PIK3C2G: variants seen among roughly 807,000 people sequenced by gnomAD.
The protein encoded by PIK3C2G is phosphatidylinositol 3-kinase C2 domain-containing subunit gamma.
PIK3C2G carries 168 observed loss-of-function variants against 181.1 expected under a neutral mutation model. That is an observed-to-expected ratio of 0.93 (90% CI 0.82 to 1.05). PIK3C2G has a LOEUF of 1.05. Ranked by LOEUF, PIK3C2G falls within the 50% of genes least tolerant of loss-of-function variation. The probability of loss-of-function intolerance (pLI) is 0.00; values close to 1 mark genes in which losing one functional copy is unlikely to be tolerated. For synonymous variants in PIK3C2G, 573 were observed against 592.2 expected, an observed-to-expected ratio of 0.97 and a Z score of 0.47; for missense variants, 1,869 against 1,732.8, an observed-to-expected ratio of 1.08 and a Z score of -1.40.
chr12:18,291,749 T>C (rs1299782865), intron 4 of PIK3C2G, among the ~76,000 whole-genome samples: 3 of 151,982 alleles, frequency 2.0e-5, no homozygotes. Context: ...TATTAATTAT[T>C]GTTATTATTG....
At position 18,290,915 on chromosome 12, in the gene PIK3C2G, T is replaced by C. The variant is rs779741154; in HGVS notation, c.822T>C (p.Thr274=). The change falls in exon 4 of 33, where the codon ACT becomes ACC. Residue 274 remains threonine, a synonymous_variant. Transcript: ENST00000538779. ...TCAATTCTGGGAAGATCTGGAGCAC[T>C]ACTACAGCATTTCCGTATCAGCTCT... The part of the protein sequence containing the change: ...VNFNSGKIWS[T]TTAFPYQLFS... 122 of 1,592,104 alleles carry C rather than the reference T, an allele frequency of 7.7e-5. No homozygotes were observed. Among genetic ancestry groups the C allele is most frequent in the Non-Finnish European group, 9.6e-5 (111 of 1,160,204 alleles).
intron 24 of PIK3C2G, among the ~76,000 whole-genome samples, chr12:18,534,772 T>TATCTAA (rs1191663310): frequency 2.0e-5 from 3 of 148,904 alleles, no homozygotes; most frequent in African/African-American, 7.5e-5. Context: ...TTGGTCCTGA[T>TATCTAA]ATCTAAATCA....
chr12:18,248,016 C>G (rs1338414976), exon 1 of PIK3C2G: 1 of 151,936 alleles, frequency 6.6e-6, no homozygotes, highest in Non-Finnish European at 1.5e-5. Flanking sequence ...GATTGTAAAC[C>G]AAGGAAATGG....
intron 4 of PIK3C2G, among the ~76,000 whole-genome samples, chr12:18,292,229 T>C (rs376178269): frequency 3.8e-4 from 26 of 68,318 alleles, no homozygotes; most frequent in African/African-American, 1.6e-3. Flanking sequence ...AAAAAAAAAA[T>C]ATATATATAT....
Position 18,416,560 on chromosome 12 carries a change from C to T in PIK3C2G, c.2316-4381C>T, listed in dbSNP as rs115392879. ...TGCAGCTGGCGATTTTAAATTGAAG[C>T]CAATGCTCATTTACTATTTCAAAAA... On this transcript the variant is annotated intron_variant, in intron 16 of 32. Coordinates refer to ENST00000538779, the MANE Select transcript of PIK3C2G (RefSeq NM_001288772.2). Among the ~76,000 whole-genome samples the T allele has an allele frequency of 6.1e-3, 935 of 152,214 alleles. 8 individuals carry two copies. Among genetic ancestry groups the T allele is most frequent in the African/African-American group, 0.021 (889 of 41,540 alleles).
intron 31 of PIK3C2G, among the ~76,000 whole-genome samples, chr12:18,636,451 G>A (rs514973): frequency 0.37 from 55,902 of 151,866 alleles, 12,076 homozygotes; most frequent in Admixed American, 0.52. Flanking sequence ...GGCTGGTCTC[G>A]AACTCCCGAC....
chr12:18,431,320 T>C (rs1419345107), intron 18 of PIK3C2G, among the ~76,000 whole-genome samples: 2 of 152,136 alleles, frequency 1.3e-5, no homozygotes, highest in Non-Finnish European at 2.9e-5. Flanking sequence ...ATCCTTGCCT[T>C]AAAGAAGCTC....
chr12:18,284,089 A>C (rs1275093891), intron 2 of PIK3C2G, among the ~76,000 whole-genome samples: 2 of 152,070 alleles, frequency 1.3e-5, no homozygotes, highest in Admixed American at 1.3e-4. Flanking sequence ...GGTCAGAAGT[A>C]GAGAGAGGAC....
At chr12:18,263,619 C>T (rs1948347988) in intron 1 of PIK3C2G, among the ~76,000 whole-genome samples, 2 of 152,116 alleles carry the variant, frequency 1.3e-5, no homozygotes. Flanking sequence ...TGAATTGACT[C>T]TTTACCTTAT....
chr12:18,248,503 G>A (rs528672761), intron 1 of PIK3C2G, among the ~76,000 whole-genome samples: 124 of 152,130 alleles, frequency 8.2e-4, no homozygotes, highest in Non-Finnish European at 1.6e-3. Context: ...AACCCGGGGC[G>A]GAGCCTGCAG....
chr12:18,584,233 C>T (rs1946658834), intron 29 of PIK3C2G, among the ~76,000 whole-genome samples: 1 of 151,708 alleles, frequency 6.6e-6, no homozygotes, highest in South Asian at 2.1e-4. Flanking sequence ...CAGGGTTTCA[C>T]TGTGGTCTCG....
intron 18 of PIK3C2G, among the ~76,000 whole-genome samples, chr12:18,476,442 C>A (rs1939004338): frequency 6.6e-6 from 1 of 151,812 alleles, no homozygotes; most frequent in African/African-American, 2.4e-5. Context: ...CTATTTTATC[C>A]CGGGGAAGGC....
intron 14 of PIK3C2G, among the ~76,000 whole-genome samples, chr12:18,387,463 C>T (rs879784506): frequency 1.3e-5 from 2 of 152,192 alleles, no homozygotes; most frequent in Admixed American, 6.5e-5. Context: ...TTCTGACATG[C>T]ACTGTCTTGC....
At chr12:18,466,293 T>C (rs1363661520) in intron 18 of PIK3C2G, among the ~76,000 whole-genome samples, 1 of 147,922 alleles carries the variant, frequency 6.8e-6, no homozygotes, top group Non-Finnish European at 1.5e-5. Flanking sequence ...TAATTACAAC[T>C]GCTCAAGTTT....
chr12:18,351,602 CAGT>C (rs1940221385), intron 11 of PIK3C2G, among the ~76,000 whole-genome samples: 1 of 152,200 alleles, frequency 6.6e-6, no homozygotes, highest in African/African-American at 2.4e-5. Flanking sequence ...ACCTGCATTA[CAGT>C]TGTCCCTTGT....
chr12:18,587,783 C>A (rs1298342159), intron 29 of PIK3C2G, among the ~76,000 whole-genome samples: 1 of 151,330 alleles, frequency 6.6e-6, no homozygotes, highest in African/African-American at 2.4e-5. Flanking sequence ...AAAACAAACA[C>A]CTGAATAGCC....
chr12:18,693,362 G>A, the PIK3C2G span: 410 of 1,601,636 alleles, frequency 2.6e-4, 6 homozygotes, highest in South Asian at 4.3e-3. Context: ...ACCAAATTCG[G>A]GAAATTAAGG....
intron 31 of PIK3C2G, among the ~76,000 whole-genome samples, chr12:18,613,049 T>C (rs1291135046): frequency 3.3e-5 from 5 of 152,104 alleles, no homozygotes; most frequent in Admixed American, 3.3e-4. Flanking sequence ...AAGAAACATA[T>C]AAAGAACAGT....
At chr12:18,375,979 G>C (rs1167838271) in intron 13 of PIK3C2G, among the ~76,000 whole-genome samples, 1 of 152,236 alleles carries the variant, frequency 6.6e-6, no homozygotes, top group Non-Finnish European at 1.5e-5. Context: ...CCTCCACCTA[G>C]ATTTCAGAGA....
Sources: gnomAD v4.1 joint callset for allele counts (sites outside exome capture counted in the v4.1 genomes callset) on GRCh38, gnomAD v4.1.1 for gene constraint, MANE v1.5 for transcripts, NCBI Gene and HGNC (gene_info 2026-07-23, HGNC 2026-07-21) for gene names.